EYS: variants seen among roughly 807,000 people sequenced by gnomAD.
EYS encodes protein eyes shut homolog.
A neutral mutation model predicts 282.1 loss-of-function variants in EYS; 250 were observed. That is an observed-to-expected ratio of 0.89 (90% CI 0.80 to 0.98). EYS has a LOEUF of 0.98. Ranked by LOEUF, EYS falls within the 50% of genes least tolerant of loss-of-function variation. The pLI, the probability that EYS is intolerant of heterozygous loss-of-function variation, is 0.00. For missense variants in EYS, 4,016 were observed against 3,709.0 expected (o/e 1.08, Z -2.15); for synonymous variants, 1,355 against 1,282.9 (o/e 1.06, Z -1.20).
chr6:64,664,403 T>C lies in EYS; in HGVS notation c.3444-38158A>G, dbSNP rs9452308. 7.7e-3 allele frequency among the ~76,000 whole-genome samples: 1,167 copies of C among 152,304 alleles called. 17 individuals are homozygous for C. Among genetic ancestry groups the C allele is most frequent in the African/African-American group, 0.027 (1,124 of 41,566 alleles). On this transcript the variant is annotated intron_variant, in intron 22 of 42. Coordinates refer to ENST00000503581, the MANE Select transcript of EYS (RefSeq NM_001142800.2). ...TACAAGCTCCGTGTTTAAAGGTGGATGCAGTCACCTTCCCAGCAAGGCTTA... is the reference window on the plus strand; with the variant it reads ...TACAAGCTCCGTGTTTAAAGGTGGACGCAGTCACCTTCCCAGCAAGGCTTA...
chr6:64,632,080 T>A (rs2151995), intron 22 of EYS, among the ~76,000 whole-genome samples: 91,003 of 151,646 alleles, frequency 0.6, 27,456 homozygotes, highest in South Asian at 0.68. Flanking sequence ...ACTTTTTATA[T>A]CTGCAAAGCA....
chr6:64,836,668 A>G (rs1047129790), intron 19 of EYS, among the ~76,000 whole-genome samples: 72 of 151,652 alleles, frequency 4.7e-4, no homozygotes, highest in African/African-American at 1.6e-3. Context: ...ACATGCAGTC[A>G]AATGAGCACA....
At chr6:65,085,260 A>G (rs1304624870) in intron 12 of EYS, among the ~76,000 whole-genome samples, 1 of 152,168 alleles carries the variant, frequency 6.6e-6, no homozygotes, top group Non-Finnish European at 1.5e-5. Flanking sequence ...CTTTTATGAC[A>G]ACATTCAATC....
At chr6:64,397,551 T>C (rs528150304) in intron 28 of EYS, among the ~76,000 whole-genome samples, 2 of 151,998 alleles carry the variant, frequency 1.3e-5, no homozygotes, top group African/African-American at 4.8e-5. Flanking sequence ...AATCTAAAAT[T>C]TCAGTTATTG....
At chr6:64,174,827 T>C (rs1253890429) in intron 31 of EYS, among the ~76,000 whole-genome samples, 1 of 152,066 alleles carries the variant, frequency 6.6e-6, no homozygotes, top group East Asian at 1.9e-4. Flanking sequence ...TTTGTTTAGA[T>C]GGATAAAACC....
chr6:64,881,658 C>G (rs1025725289), intron 19 of EYS, among the ~76,000 whole-genome samples: 3 of 151,738 alleles, frequency 2.0e-5, no homozygotes, highest in African/African-American at 7.2e-5. Flanking sequence ...ATGTAAGAGG[C>G]ACGTACACAT....
At chr6:65,338,627 A>G (rs1770082684) in intron 10 of EYS, among the ~76,000 whole-genome samples, 1 of 151,076 alleles carries the variant, frequency 6.6e-6, no homozygotes, top group South Asian at 2.1e-4. Context: ...TCAATATTAC[A>G]AAATACACAC....
intron 31 of EYS, among the ~76,000 whole-genome samples, chr6:64,113,609 T>C (rs180761218): frequency 2.6e-5 from 4 of 152,296 alleles, no homozygotes; most frequent in Admixed American, 6.5e-5. Flanking sequence ...AAAAAGTTTC[T>C]AGATCAGCCT....
chr6:65,363,191 A>G (rs1015989961), intron 8 of EYS, among the ~76,000 whole-genome samples: 7 of 83,688 alleles, frequency 8.4e-5, no homozygotes, highest in Admixed American at 7.4e-4. Context: ...AAATGATATT[A>G]AAACTCTTTT....
chr6:64,405,673 A>G (rs1232753276), intron 28 of EYS, among the ~76,000 whole-genome samples: 1 of 152,178 alleles, frequency 6.6e-6, no homozygotes, highest in Non-Finnish European at 1.5e-5. Context: ...AAGCATTCCT[A>G]TACACCAATA....
At chr6:65,598,247 C>CG (rs1765484129) in intron 2 of EYS, among the ~76,000 whole-genome samples, 1 of 83,888 alleles carries the variant, frequency 1.2e-5, no homozygotes, top group Non-Finnish European at 2.3e-5. Context: ...CACCCCCCCC[C>CG]CAAAAAAAAA....
intron 22 of EYS, among the ~76,000 whole-genome samples, chr6:64,712,115 G>C (rs1297173594): frequency 6.6e-6 from 1 of 152,148 alleles, no homozygotes; most frequent in Non-Finnish European, 1.5e-5. Context: ...GGTTTCACTA[G>C]GTACCTGTCC....
chr6:65,649,168 A>G (rs1359474957), intron 1 of EYS, among the ~76,000 whole-genome samples: 1 of 151,210 alleles, frequency 6.6e-6, no homozygotes, highest in African/African-American at 2.4e-5. Flanking sequence ...AGGAAAAAAG[A>G]AAAACTTAAA....
intron 11 of EYS, among the ~76,000 whole-genome samples, chr6:65,297,392 C>A (rs140979552): frequency 4.0e-5 from 6 of 151,680 alleles, no homozygotes; most frequent in Non-Finnish European, 8.8e-5. Context: ...TGACGGTAAG[C>A]GTTTGGAGCC....
intron 26 of EYS, among the ~76,000 whole-genome samples, chr6:64,506,737 C>G (rs1777219737): frequency 6.6e-6 from 1 of 151,748 alleles, no homozygotes; most frequent in Admixed American, 6.6e-5. Context: ...ACGGTGAAAC[C>G]CCGTCTCTAC....
intron 22 of EYS, among the ~76,000 whole-genome samples, chr6:64,672,245 G>T (rs897041702): frequency 1.3e-5 from 2 of 152,198 alleles, no homozygotes; most frequent in Non-Finnish European, 2.9e-5. Flanking sequence ...TTACTCAGCG[G>T]TAATGAAACA....
chr6:64,954,877 C>A (rs1267566971), intron 14 of EYS, among the ~76,000 whole-genome samples: 4 of 151,928 alleles, frequency 2.6e-5, no homozygotes, highest in East Asian at 3.9e-4. Flanking sequence ...AAAAACAAAT[C>A]AAAAACATAG....
intron 8 of EYS, among the ~76,000 whole-genome samples, chr6:65,363,463 A>G (rs1764793512): frequency 6.6e-6 from 1 of 151,956 alleles, no homozygotes. Context: ...ATTTCAGAAG[A>G]AAAATAACTC....
chr6:65,319,906 C>T (rs1390215544), intron 11 of EYS, among the ~76,000 whole-genome samples: 1 of 151,680 alleles, frequency 6.6e-6, no homozygotes, highest in Non-Finnish European at 1.5e-5. Flanking sequence ...TTTTTGCTTC[C>T]TTCTCCCCCA....
Sources: gnomAD v4.1 joint callset for allele counts (sites outside exome capture counted in the v4.1 genomes callset) on GRCh38, gnomAD v4.1.1 for gene constraint, MANE v1.5 for transcripts, NCBI Gene and HGNC (gene_info 2026-07-23, HGNC 2026-07-21) for gene names.